Variants in INPP5D observed in about 807,000 individuals in gnomAD.
INPP5D encodes phosphatidylinositol 3,4,5-trisphosphate 5-phosphatase 1.
INPP5D carries 33 observed loss-of-function variants against 122.9 expected under a neutral mutation model. The ratio of observed to expected loss-of-function variants is 0.27; its 90% confidence interval spans 0.20 to 0.36. The LOEUF is 0.36. Ranked by LOEUF, INPP5D falls within the 10% of genes least tolerant of loss-of-function variation. The probability of loss-of-function intolerance (pLI) is 1.00; values close to 1 mark genes in which losing one functional copy is unlikely to be tolerated. For synonymous variants in INPP5D, 584 were observed against 576.2 expected, an observed-to-expected ratio of 1.01 and a Z score of -0.19; for missense variants, 1,053 against 1,412.7, an observed-to-expected ratio of 0.75 and a Z score of 4.08.
rs1049424488 is a variant in INPP5D, at chr2:233,202,516, C to T, written c.2976-1610C>T. ...CTTCTCACCGGCACCTGTGTGAGGA[C>T]GACATCCCGCCTTTGTCCCCTGAGC... On this transcript the variant is annotated intron_variant, in intron 25 of 26. Coordinates refer to ENST00000445964, the MANE Select transcript of INPP5D (RefSeq NM_001017915.3). 5.9e-5 allele frequency among the ~76,000 whole-genome samples: 9 copies of T among 152,302 alleles called. No individual in the cohort carries two copies. The East Asian group carries it at 7.7e-4, about 13-fold the overall frequency.
In INPP5D at chr2:233,193,844, A is replaced by G. The variant is rs1229245638; in HGVS notation, c.2479A>G (p.Thr827Ala). The change falls in exon 23 of 27, where the codon ACA (threonine) becomes GCA (alanine). Residue 827 changes from threonine to alanine, a missense_variant. Around this residue, in one of 6 missense-constraint regions of INPP5D, gnomAD observed 258 missense variants for 439.1 expected, o/e 0.59. Transcript: ENST00000445964. Reference protein sequence around the residue: ...EGCIALRLEATETQLPIYTPL... With the variant: ...EGCIALRLEAAETQLPIYTPL... ...CTGCATTGCCCTTCGGTTAGAGGCC[A>G]CAGAAACGCAGCTGCCCATCTACAC... The G allele has an allele frequency of 6.2e-7, 1 of 1,613,796 alleles. No homozygotes were observed. The highest frequency in any genetic ancestry group is 8.5e-7 in the Non-Finnish European group (1 of 1,179,838).
At chr2:233,126,636 T>C (rs1215615647) in intron 4 of INPP5D, among the ~76,000 whole-genome samples, 1 of 152,148 alleles carries the variant, frequency 6.6e-6, no homozygotes, top group Non-Finnish European at 1.5e-5. Flanking sequence ...GTATTCCACA[T>C]AGGCCAGACG....
chr2:233,192,982 G>T (rs10176734), intron 22 of INPP5D, among the ~76,000 whole-genome samples: 58,070 of 152,136 alleles, frequency 0.38, 11,301 homozygotes, highest in South Asian at 0.44. Context: ...CCGCTTCCCA[G>T]ATTCAAGAGA....
At chr2:233,063,357 G>A (rs1343060096) in intron 1 of INPP5D, among the ~76,000 whole-genome samples, 2 of 152,228 alleles carry the variant, frequency 1.3e-5, no homozygotes, top group Non-Finnish European at 2.9e-5. Flanking sequence ...CTCCCTCCCA[G>A]GCCCCCTCTG....
chr2:233,110,465 G>A (rs1001213337), intron 2 of INPP5D, among the ~76,000 whole-genome samples: 3 of 152,000 alleles, frequency 2.0e-5, no homozygotes, highest in African/African-American at 4.8e-5. Flanking sequence ...GTCCCAAAGG[G>A]CTGAGATTGT....
intron 1 of INPP5D, among the ~76,000 whole-genome samples, chr2:233,067,190 C>T (rs1187242033): frequency 6.6e-6 from 1 of 152,232 alleles, no homozygotes; most frequent in East Asian, 1.9e-4. Context: ...AAACCCTGTA[C>T]CCACAGCAGT....
chr2:233,091,240 T>C (rs902596387), intron 2 of INPP5D, among the ~76,000 whole-genome samples: 2 of 152,212 alleles, frequency 1.3e-5, no homozygotes, highest in Admixed American at 1.3e-4. Context: ...CCCTGTCCCA[T>C]AGCCGCTCCT....
At chr2:233,129,656 C>G (rs1292196194) in intron 4 of INPP5D, among the ~76,000 whole-genome samples, 1 of 152,140 alleles carries the variant, frequency 6.6e-6, no homozygotes, top group East Asian at 1.9e-4. Flanking sequence ...ATCCCCAGCC[C>G]CATCGCTAAT....
At chr2:233,076,750 A>G (rs1210196256) in intron 1 of INPP5D, among the ~76,000 whole-genome samples, 1 of 152,266 alleles carries the variant, frequency 6.6e-6, no homozygotes, top group East Asian at 1.9e-4. Context: ...AGAAATACAG[A>G]TAACTAAACA....
rs112978407 is a variant in INPP5D at position 233,183,172 on chromosome 2, G to A, written c.2161+673G>A. ...CTGGGCCAGGTGTTCTCTGTAATGT[G>A]CCCATCCAGCCCTTGGCCTAGGTGA... On this transcript the variant is annotated intron_variant, in intron 19 of 26. Transcript: ENST00000445964. This position sits in a 1 kb window ranked among gnomAD's most constrained non-coding sequence, Gnocchi z 4.6. Among the ~76,000 whole-genome samples the A allele has an allele frequency of 1.7e-4, 26 of 152,276 alleles. No homozygotes were observed. Among genetic ancestry groups the A allele is most frequent in the African/African-American group, 6.3e-4 (26 of 41,562 alleles).
intron 1 of INPP5D, among the ~76,000 whole-genome samples, chr2:233,067,301 C>T (rs1396423713): frequency 6.6e-6 from 1 of 152,218 alleles, no homozygotes; most frequent in African/African-American, 2.4e-5. Flanking sequence ...AAACATACAA[C>T]ATGTGGACTT....
chr2:233,110,388 C>T lies in INPP5D; in HGVS notation c.199-11719C>T, dbSNP rs181574266. ...TATTTTTATTTTTTTTTAATAGAGA[C>T]GAGTTCTCATTATGTTGCCCAGGCT... On this transcript the variant is annotated intron_variant, in intron 2 of 26. Transcript: ENST00000445964. Among the ~76,000 whole-genome samples, 10 of 151,528 alleles carry T rather than the reference C, an allele frequency of 6.6e-5. No homozygotes were observed. In the South Asian group the frequency reaches 1.7e-3, roughly 25 times the overall value.
chr2:233,116,301 A>G (rs555603181), intron 2 of INPP5D, among the ~76,000 whole-genome samples: 1 of 152,106 alleles, frequency 6.6e-6, no homozygotes, highest in African/African-American at 2.4e-5. Context: ...ATATATAGAT[A>G]CTTTTTGAGA....
At chr2:233,193,493 G>A (rs1187748021) in intron 22 of INPP5D, among the ~76,000 whole-genome samples, 4 of 152,044 alleles carry the variant, frequency 2.6e-5, no homozygotes, top group Non-Finnish European at 5.9e-5. Flanking sequence ...CCTCTTGCCC[G>A]CCAATTTTGT....
intron 4 of INPP5D, among the ~76,000 whole-genome samples, chr2:233,129,575 A>G (rs752495379): frequency 1.3e-5 from 2 of 151,972 alleles, no homozygotes; most frequent in Non-Finnish European, 2.9e-5. Flanking sequence ...AGCCCCATTC[A>G]CTCTGTACAC....
At chr2:233,102,768 T>C (rs899757049) in intron 2 of INPP5D, among the ~76,000 whole-genome samples, 43 of 149,876 alleles carry the variant, frequency 2.9e-4, no homozygotes, top group African/African-American at 1.0e-3. Context: ...GAGAATGGCA[T>C]GAACCCGGGA....
chr2:233,078,851 T>A lies in INPP5D; in HGVS notation c.135-484T>A, dbSNP rs1159356936. Among the ~76,000 whole-genome samples, 7 of 151,844 alleles carry A rather than the reference T, an allele frequency of 4.6e-5. No individual in the cohort carries two copies. The highest frequency in any genetic ancestry group is 3.3e-4 in the Admixed American group (5 of 15,234). On this transcript the variant is annotated intron_variant, in intron 1 of 26. Transcript: ENST00000445964. This position sits in a 1 kb window ranked among gnomAD's most constrained non-coding sequence, Gnocchi z 4.6. ...GTGTGCGCCACCACGCCCAGCTAAT[T>A]TTTGTATTTTTAGTAGAGATGGGAT...
At position 233,114,765 on chromosome 2, in the gene INPP5D, AGTG is replaced by A. The variant is rs1457048442; in HGVS notation, c.199-7338_199-7336del. Among the ~76,000 whole-genome samples, 8 of 152,254 alleles carry A rather than the reference AGTG, an allele frequency of 5.3e-5. No homozygotes were observed. The East Asian group carries it at 1.3e-3, about 26-fold the overall frequency. On this transcript the variant is annotated intron_variant, in intron 2 of 26. Transcript: ENST00000445964. ...CACACCATTCTCTCCACCACAGCCG[AGTG>A]GTGTTTTCACCGTCCTCTCTAGTGG... is the stretch of plus-strand genomic sequence containing the variant.
intron 13 of INPP5D, among the ~76,000 whole-genome samples, chr2:233,165,522 G>C (rs575606525): frequency 3.3e-5 from 5 of 151,810 alleles, no homozygotes; most frequent in Non-Finnish European, 7.4e-5. Flanking sequence ...CCGTGTGTGT[G>C]TACCACTCCA....
Sources: gnomAD v4.1 joint callset for allele counts (sites outside exome capture counted in the v4.1 genomes callset) on GRCh38, gnomAD v4.1.1 for gene constraint, gnomAD v4.1.1 regional missense constraint, Gnocchi (gnomAD v3.1) non-coding constraint, MANE v1.5 for transcripts, NCBI Gene and HGNC (gene_info 2026-07-23, HGNC 2026-07-21) for gene names.